SH3RF1: variants seen among roughly 807,000 people sequenced by gnomAD.
SH3RF1 encodes the protein SH3 domain containing ring finger 1.
SH3RF1 carries 32 observed loss-of-function variants against 74.0 expected under a neutral mutation model. That is an observed-to-expected ratio of 0.43 (90% confidence interval 0.33 to 0.58). The LOEUF is 0.58. Among genes scored for constraint, SH3RF1 ranks in the 20% least tolerant of loss-of-function variants. The probability of loss-of-function intolerance (pLI) is 0.05; values close to 1 mark genes in which losing one functional copy is unlikely to be tolerated. For synonymous variants in SH3RF1, 396 were observed against 439.6 expected (o/e 0.90, Z 1.24); for missense variants, 954 against 1,130.9 (o/e 0.84, Z 2.24).
intron 2 of SH3RF1, among the ~76,000 whole-genome samples, chr4:169,258,272 T>C (rs1434968533): frequency 6.6e-6 from 1 of 152,202 alleles, no homozygotes; most frequent in Non-Finnish European, 1.5e-5. Flanking sequence ...GCTTCATATA[T>C]GGAGACCCAG....
chr4:169,269,317 T>C lies in SH3RF1; in HGVS notation c.-95-10A>G. ...CATTTCAGACTTTGCTCTAGAGTCA[T>C]GGGGAAAAGGGGGAAAAGAGAACAT... On this transcript the variant is annotated splice_polypyrimidine_tract_variant and intron_variant, in intron 1 of 11. Coordinates refer to ENST00000284637, the MANE Select transcript of SH3RF1 (RefSeq NM_020870.4). 6 of 1,243,636 alleles carry C rather than the reference T, an allele frequency of 4.8e-6. No individual in the cohort carries two copies. Among genetic ancestry groups the C allele is most frequent in the Non-Finnish European group, 6.5e-6 (6 of 918,942 alleles). 77.0% of individuals were successfully genotyped at this position (1,243,636 alleles called of 1,614,324 possible).
At chr4:169,233,889 G>A (rs536029467) in intron 2 of SH3RF1, among the ~76,000 whole-genome samples, 13 of 152,056 alleles carry the variant, frequency 8.5e-5, no homozygotes, top group African/African-American at 2.9e-4. Context: ...CTCTATTTCC[G>A]CCCCTGCCTC....
rs537075144 is a variant in SH3RF1 at position 169,108,195 on chromosome 4, C to A, written c.2140-990G>T. On this transcript the variant is annotated intron_variant, in intron 10 of 11. Transcript: ENST00000284637. ...TCATTAAGTTCTCTGAATGGAAGCA[C>A]TGCTTGAAAATGAAACACTTCATAG... Among the ~76,000 whole-genome samples, 33 of 152,266 alleles carry A rather than the reference C, an allele frequency of 2.2e-4. No individual in the cohort carries two copies. In the South Asian group the frequency reaches 6.2e-3, roughly 29 times the overall value.
At chr4:169,131,956 T>G (rs961405089) in intron 5 of SH3RF1, among the ~76,000 whole-genome samples, 1 of 152,242 alleles carries the variant, frequency 6.6e-6, no homozygotes, top group Non-Finnish European at 1.5e-5. Context: ...GAATACCAAG[T>G]GTCCAATGGG....
At chr4:169,125,298 C>T (rs1733507304) in intron 6 of SH3RF1, among the ~76,000 whole-genome samples, 1 of 152,210 alleles carries the variant, frequency 6.6e-6, no homozygotes, top group African/African-American at 2.4e-5. Context: ...GAAGTGTCTT[C>T]TCTCTGAGTG....
chr4:169,172,056 T>G (rs1734337979), intron 2 of SH3RF1, among the ~76,000 whole-genome samples: 1 of 152,280 alleles, frequency 6.6e-6, no homozygotes, highest in Middle Eastern at 3.4e-3. Context: ...TACACTGAAC[T>G]AAAACCAAGA....
At chr4:169,235,749 C>T (rs1171284086) in intron 2 of SH3RF1, among the ~76,000 whole-genome samples, 10 of 151,808 alleles carry the variant, frequency 6.6e-5, no homozygotes, top group African/African-American at 9.7e-5. Flanking sequence ...TGGAGTGCAA[C>T]GGTGCAATCT....
chr4:169,229,090 G>C (rs945875715), intron 2 of SH3RF1, among the ~76,000 whole-genome samples: 15 of 152,094 alleles, frequency 9.9e-5, no homozygotes, highest in African/African-American at 3.6e-4. Flanking sequence ...GGTTTGATAC[G>C]TAATATAATC....
intron 2 of SH3RF1, among the ~76,000 whole-genome samples, chr4:169,214,400 T>C: frequency 6.6e-6 from 1 of 152,220 alleles, no homozygotes; most frequent in East Asian, 1.9e-4. Flanking sequence ...TTTTTTTCTT[T>C]ATAAATTACC....
At chr4:169,106,410 C>A (rs1733138944) in intron 11 of SH3RF1, among the ~76,000 whole-genome samples, 1 of 151,120 alleles carries the variant, frequency 6.6e-6, no homozygotes, top group Admixed American at 6.6e-5. Flanking sequence ...CCAGGGAAGC[C>A]AAAAGATTGG....
Position 169,096,429 on chromosome 4 carries a change from TG to T in SH3RF1, c.*89del. On this transcript the variant is annotated 3_prime_UTR_variant, in exon 12 of 12. Coordinates refer to ENST00000284637, the MANE Select transcript of SH3RF1 (RefSeq NM_020870.4). The stretch of plus-strand genomic sequence containing the variant: ...ATCCTTTGCTCATCTCCTGACCATC[TG>T]GAAGTCCACAAATGTGCTCTTTCTG... 1 of 1,402,304 alleles carries T rather than the reference TG, an allele frequency of 7.1e-7. No individual in the cohort carries two copies. The highest frequency in any genetic ancestry group is 9.7e-7 in the Non-Finnish European group (1 of 1,027,982). 86.9% of individuals were successfully genotyped at this position (1,402,304 alleles called of 1,614,324 possible). A position where few individuals can be genotyped will look rare whatever the true frequency, so the allele number is the denominator to read the frequency against.
chr4:169,182,351 G>C (rs1436781045), intron 2 of SH3RF1, among the ~76,000 whole-genome samples: 1 of 152,210 alleles, frequency 6.6e-6, no homozygotes, highest in Non-Finnish European at 1.5e-5. Context: ...GCAGTTGCTT[G>C]TGCATGATAA....
intron 2 of SH3RF1, among the ~76,000 whole-genome samples, chr4:169,189,628 T>C (rs1359793839): frequency 6.6e-6 from 1 of 152,218 alleles, no homozygotes; most frequent in African/African-American, 2.4e-5. Flanking sequence ...TGGCCTATGC[T>C]GTTAGAGAAA....
intron 4 of SH3RF1, among the ~76,000 whole-genome samples, chr4:169,144,308 C>T (rs1052096267): frequency 6.6e-6 from 1 of 152,130 alleles, no homozygotes; most frequent in Non-Finnish European, 1.5e-5. Context: ...ACTTAATGAT[C>T]TGTAAAATTT....
rs761057276 is a variant in SH3RF1 at position 169,120,906 on chromosome 4, C to T, written c.1430G>A (p.Arg477His). 6 of 1,614,086 alleles carry T rather than the reference C, an allele frequency of 3.7e-6. No individual in the cohort carries two copies. Among genetic ancestry groups the T allele is most frequent in the Admixed American group, 1.7e-5 (1 of 60,010 alleles). The change falls in exon 8 of 12, where the codon CGC becomes CAC. Residue 477 changes from arginine (R) to histidine (H), a missense_variant. By Grantham distance (29) the Arg-to-His change is conservative. Around this residue, in one of 3 missense-constraint regions of SH3RF1, gnomAD observed 854 missense variants for 962.5 expected, o/e 0.89. Coordinates refer to ENST00000284637, the MANE Select transcript of SH3RF1 (RefSeq NM_020870.4). ...RKGEMFLVFE[R>H]CQDGWFKGTS... ...CCCTTTGAACCAGCCATCCTGGCAGCGCTCAAACACTAAAAACATCTCCCC... is the reference window on the plus strand; with the variant it reads ...CCCTTTGAACCAGCCATCCTGGCAGTGCTCAAACACTAAAAACATCTCCCC...
intron 10 of SH3RF1, 87 bp from the exon 11 acceptor site, chr4:169,107,292 TTTTTAATTTTTAA>T: frequency 8.5e-7 from 1 of 1,172,894 alleles, no homozygotes; most frequent in South Asian, 1.8e-5. Flanking sequence ...TCATTACTAC[TTTTTAATTTTTAA>T]TTTTAATTTT....
chr4:169,204,686 G>T (rs12500620), intron 2 of SH3RF1, among the ~76,000 whole-genome samples: 58,720 of 151,612 alleles, frequency 0.39, 13,254 homozygotes, highest in East Asian at 0.71. Flanking sequence ...GAGTAGCTGG[G>T]ACTACAGGCA....
Position 169,122,117 on chromosome 4 carries a change from C to T in SH3RF1, c.1329G>A (p.Pro443=), listed in dbSNP as rs148721890. 2,732 of 1,612,538 alleles carry T rather than the reference C, an allele frequency of 1.7e-3. 2 individuals are homozygous for T. Among genetic ancestry groups the T allele is most frequent in the Non-Finnish European group, 2.2e-3 (2,631 of 1,179,944 alleles). ...GSTDQIAHLR[P]QTRPSVYVAI... is the part of the protein sequence containing the mutation. ...TCACTTACACACTGGGGCGAGTCTG[C>T]GGCCGTAAATGTGCAATCTGGTCAG... Residue 443 remains proline, a synonymous_variant, in exon 7 of 12, where the codon CCG becomes CCA. Coordinates refer to ENST00000284637, the MANE Select transcript of SH3RF1 (RefSeq NM_020870.4).
intron 2 of SH3RF1, among the ~76,000 whole-genome samples, chr4:169,190,940 T>C (rs535660626): frequency 1.3e-5 from 2 of 152,290 alleles, no homozygotes; most frequent in East Asian, 3.9e-4. Context: ...ATAAATGTGA[T>C]ACACCACATA....
Sources: gnomAD v4.1 joint callset for allele counts (sites outside exome capture counted in the v4.1 genomes callset) on GRCh38, gnomAD v4.1.1 for gene constraint, gnomAD v4.1.1 regional missense constraint, MANE v1.5 for transcripts, NCBI Gene and HGNC (gene_info 2026-07-23, HGNC 2026-07-21) for gene names.